Variants in RIF1 observed in about 807,000 individuals in gnomAD.
The protein encoded by RIF1 is replication timing regulatory factor 1.
RIF1 carries 45 observed loss-of-function variants against 247.1 expected under a neutral mutation model. The observed-to-expected ratio is 0.18, with a 90% CI of 0.14 to 0.23. The LOEUF (loss-of-function observed/expected upper bound fraction) is 0.23, where lower values mean the gene tolerates loss of function less well. Among genes scored for constraint, RIF1 ranks in the 10% least tolerant of loss-of-function variants. RIF1 has a pLI of 1.00. For missense variants in RIF1, 2,967 were observed against 2,862.5 expected (o/e 1.04, Z -0.83); for synonymous variants, 1,087 against 978.8 (o/e 1.11, Z -2.06).
rs1486894239 is a variant in RIF1 at position 151,476,394 on chromosome 2, A to G, written c.*1323A>G. 6 of 152,120 alleles carry G rather than the reference A, an allele frequency of 3.9e-5. No homozygotes were observed. Among genetic ancestry groups the G allele is most frequent in the Non-Finnish European group, 5.9e-5 (4 of 67,964 alleles). The allele number at this position is 152,120 out of a possible 1,614,324, so 9.4% of individuals were successfully genotyped here. On this transcript the variant is annotated 3_prime_UTR_variant, in exon 36 of 36. Transcript: ENST00000444746. ...GTGCCTGACTTCCCATATTTGTTTC[A>G]TCTTTTTAACTGACAGTATATCTCA...
intron 3 of RIF1, among the ~76,000 whole-genome samples, chr2:151,411,580 T>C (rs982376231): frequency 3.9e-5 from 6 of 152,244 alleles, no homozygotes; most frequent in Non-Finnish European, 5.9e-5. Context: ...TTTGTATTTT[T>C]AGTAGAGAAG....
chr2:151,504,184 C>T (rs2067005480), intron 12 of RIF1, among the ~76,000 whole-genome samples: 1 of 152,090 alleles, frequency 6.6e-6, no homozygotes, highest in African/African-American at 2.4e-5. Flanking sequence ...GATGGATTCC[C>T]TGGTGTATTA....
In RIF1 at chr2:151,420,377, A is replaced by G. The variant is rs767210930; in HGVS notation, c.691A>G (p.Thr231Ala). ...ATCTATTACGGAGCAGCTTATGACT[A>G]CTGTGAGTGTTCTTTTATGTAAGAA... ...IASITEQLMT[T>A]KLISELQKLF... is the part of the protein sequence containing the mutation. The change falls in exon 7 of 36, where the codon ACT (threonine) becomes GCT (alanine). Residue 231 changes from threonine (T) to alanine (A), a missense_variant and splice_region_variant. By Grantham distance (58) the Thr-to-Ala change is moderately conservative (BLOSUM62 0). This residue lies in a region of RIF1 where 269 missense variants were observed against 288.6 expected (regional missense o/e 0.93). Transcript: ENST00000444746. 2.5e-6 allele frequency: 4 copies of G among 1,613,642 alleles called. No homozygotes were observed. Among genetic ancestry groups the G allele is most frequent in the East Asian group, 4.5e-5 (2 of 44,868 alleles).
chr2:151,518,848 A>T, the RIF1 span: 2 of 671,440 alleles, frequency 3.0e-6, no homozygotes, highest in Non-Finnish European at 5.3e-6. Context: ...AAATGAGAAC[A>T]GTTTTGTAAT....
rs1393872698 is a variant in RIF1, at chr2:151,454,880, A to C, written c.2345-15A>C. 1.9e-6 allele frequency: 3 copies of C among 1,544,944 alleles called. No homozygotes were observed. The East Asian group carries it at 6.8e-5, about 35-fold the overall frequency. On this transcript the variant is annotated splice_polypyrimidine_tract_variant and intron_variant, in intron 21 of 35. Transcript: ENST00000444746. ...ATTTATTTGAGTTTTTAATTAATTCAGTTTTTGTTTTTAGCACCACAGAGA... is the reference window on the plus strand; with the variant it reads ...ATTTATTTGAGTTTTTAATTAATTCCGTTTTTGTTTTTAGCACCACAGAGA...
Position 151,464,842 on chromosome 2 carries a change from A to G in RIF1, c.5322A>G (p.Ser1774=). Residue 1774 remains serine (S), a synonymous_variant, in exon 30 of 36, where the codon TCA becomes TCG. Coordinates refer to ENST00000444746, the MANE Select transcript of RIF1 (RefSeq NM_018151.5). ...KADVQAPVSP[S]ETSQANPYSE... ...ATGTGCAAGCACCTGTAAGCCCATC[A>G]GAAACTTCTCAAGCTAATCCATATT... The G allele has an allele frequency of 6.2e-7, 1 of 1,609,866 alleles. No individual in the cohort carries two copies. The highest frequency in any genetic ancestry group is 8.5e-7 in the Non-Finnish European group (1 of 1,179,002).
chr2:151,431,001 C>G (rs1012776479), intron 9 of RIF1, among the ~76,000 whole-genome samples: 1 of 152,122 alleles, frequency 6.6e-6, no homozygotes, highest in African/African-American at 2.4e-5. Context: ...TGTTTATGAG[C>G]TGGCATGTAT....
In RIF1 at chr2:151,420,294, G is replaced by C. The variant is rs1448704350; in HGVS notation, c.608G>C (p.Gly203Ala). The change falls in exon 7 of 36, where the codon GGA (glycine) becomes GCA (alanine). Residue 203 changes from glycine (G) to alanine (A), a missense_variant. Coordinates refer to ENST00000444746, the MANE Select transcript of RIF1 (RefSeq NM_018151.5). ...VHSAQKVHLR[G>A]ATALEMGMPL... The stretch of plus-strand genomic sequence containing the variant: ...TCAGCACAAAAGGTACATTTGCGGG[G>C]AGCAACTGCTCTGGAGATGGGAATG... The C allele has an allele frequency of 6.2e-7, 1 of 1,614,074 alleles. No homozygotes were observed. The highest frequency in any genetic ancestry group is 1.7e-5 in the Admixed American group (1 of 59,992).
In RIF1 at chr2:151,443,686, C is replaced by T; in HGVS notation, c.1963C>T (p.Pro655Ser). Residue 655 changes from proline (P) to serine (S), a missense_variant, in exon 18 of 36, where the codon CCA becomes TCA. This residue lies in a region of RIF1 where 76 missense variants were observed against 113.3 expected (regional missense o/e 0.67). Coordinates refer to ENST00000444746, the MANE Select transcript of RIF1 (RefSeq NM_018151.5). The stretch of plus-strand genomic sequence containing the variant: ...GAAAATGTGGAGTGTTATAGTCACC[C>T]CATTAACTGAATTGATTAATCAGGT... ...LWKMWSVIVT[P>S]LTELINQTNE... 6.3e-6 allele frequency: 10 copies of T among 1,587,608 alleles called. No homozygotes were observed. Among genetic ancestry groups the T allele is most frequent in the Non-Finnish European group, 8.5e-6 (10 of 1,171,388 alleles).
chr2:151,466,547 TTAAA>T (rs1308305605), intron 30 of RIF1, among the ~76,000 whole-genome samples: 2 of 151,638 alleles, frequency 1.3e-5, no homozygotes, highest in Non-Finnish European at 2.9e-5. Flanking sequence ...CCATATCTAA[TTAAA>T]AAAAAAAACT....
At chr2:151,428,636 TTA>T (rs1689532042) in intron 8 of RIF1, 146 bp from the exon 9 acceptor site, 6 of 654,334 alleles carry the variant, frequency 9.2e-6, no homozygotes, top group Non-Finnish European at 1.6e-5. Context: ...ACACATCTCT[TTA>T]TGTTTTGTGA....
At chr2:151,450,344 GTTTA>G (rs1348215622) in intron 20 of RIF1, among the ~76,000 whole-genome samples, 2 of 151,992 alleles carry the variant, frequency 1.3e-5, no homozygotes, top group African/African-American at 4.8e-5. Flanking sequence ...TTTTATAATT[GTTTA>G]TTTATAAGAC....
rs746405965 is a variant in RIF1, at chr2:151,464,801, G to A, written c.5281G>A (p.Glu1761Lys). Residue 1761 changes from glutamate (E) to lysine (K), a missense_variant, in exon 30 of 36, where the codon GAA (glutamate) becomes AAA (lysine). Around this residue, in one of 7 missense-constraint regions of RIF1, gnomAD observed 2,028 missense variants for 1,825.6 expected, o/e 1.11. Coordinates refer to ENST00000444746, the MANE Select transcript of RIF1 (RefSeq NM_018151.5). ...NTENNDVEIS[E>K]TKKADVQAPV... ...AGAAAATAATGACGTAGAGATTAGT[G>A]AAACAAAAAAGGCAGATGTGCAAGC... 9 of 1,613,526 alleles carry A rather than the reference G, an allele frequency of 5.6e-6. No homozygotes were observed. The highest frequency in any genetic ancestry group is 5.9e-6 in the Non-Finnish European group (7 of 1,179,860).
At position 151,463,577 on chromosome 2, in the gene RIF1, G is replaced by A. The variant is rs745598186; in HGVS notation, c.4057G>A (p.Asp1353Asn). 6.2e-7 allele frequency: 1 copy of A among 1,613,814 alleles called. No individual in the cohort carries two copies. The highest frequency in any genetic ancestry group is 1.3e-5 in the African/African-American group (1 of 75,052). ...VHLSESTMEH[D>N]NTKLKAATVE... Reference sequence around the variant, plus strand: ...TCTTTCTGAATCTACAATGGAGCATGACAATACAAAGCTTAAAGCAGCAAC... The same window carrying A: ...TCTTTCTGAATCTACAATGGAGCATAACAATACAAAGCTTAAAGCAGCAAC... The change falls in exon 30 of 36, where the codon GAC (aspartate) becomes AAC (asparagine). Residue 1353 changes from aspartate (D) to asparagine (N), a missense_variant. Asp to Asn is a conservative substitution (Grantham distance 23). Transcript: ENST00000444746.
chr2:151,513,580 C>G, the RIF1 span: 1 of 1,599,200 alleles, frequency 6.3e-7, no homozygotes, highest in African/African-American at 1.3e-5. Context: ...TAGCACTGAC[C>G]TGACTGGCAA....
chr2:151,499,478 AC>A, exon 11 of RIF1: 1 of 712,562 alleles, frequency 1.4e-6, no homozygotes, highest in Non-Finnish European at 2.5e-6. Context: ...GTATAAAACT[AC>A]AGACGTCAGA....
At chr2:151,487,608 C>T (rs969802749) in intron 9 of RIF1, among the ~76,000 whole-genome samples, 1 of 152,076 alleles carries the variant, frequency 6.6e-6, no homozygotes, top group Middle Eastern at 3.2e-3. Context: ...CAGCCATTTT[C>T]ATTTTTCTGG....
chr2:151,507,993 A>T, exon 14 of RIF1: 1 of 1,587,374 alleles, frequency 6.3e-7, no homozygotes, highest in Non-Finnish European at 8.6e-7. Flanking sequence ...CTTACATTTA[A>T]TAAAAACTTA....
At chr2:151,437,933 C>T (rs1478504675) in intron 13 of RIF1, among the ~76,000 whole-genome samples, 2 of 152,114 alleles carry the variant, frequency 1.3e-5, no homozygotes, top group Non-Finnish European at 2.9e-5. Context: ...TCCTGTGTTA[C>T]ATGGCCTATC....
Sources: gnomAD v4.1 joint callset for allele counts (sites outside exome capture counted in the v4.1 genomes callset) on GRCh38, gnomAD v4.1.1 for gene constraint, gnomAD v4.1.1 regional missense constraint, MANE v1.5 for transcripts, NCBI Gene and HGNC (gene_info 2026-07-23, HGNC 2026-07-21) for gene names.